RTCB: variants seen among roughly 807,000 people sequenced by gnomAD.
The protein encoded by RTCB is RNA 2',3'-cyclic phosphate and 5'-OH ligase.
A neutral mutation model predicts 58.2 loss-of-function variants in RTCB; 32 were observed. That is an observed-to-expected ratio of 0.55 (90% CI 0.41 to 0.74). The LOEUF (loss-of-function observed/expected upper bound fraction) is 0.74. Among genes scored for constraint, RTCB ranks in the 30% least tolerant of loss-of-function variants. The pLI is 0.00. For synonymous variants in RTCB, 247 were observed against 218.6 expected (o/e 1.13, Z -1.15); for missense variants, 523 against 639.0 (o/e 0.82, Z 1.96).
At chr22:32,392,688 G>A (rs934223286) in intron 10 of RTCB, among the ~76,000 whole-genome samples, 12 of 152,188 alleles carry the variant, frequency 7.9e-5, no homozygotes, top group South Asian at 2.1e-4. Flanking sequence ...TCCCCATGGC[G>A]GTAGGGGGAT....
chr22:32,397,792 G>T, intron 7 of RTCB, 149 bp downstream of exon 7: 1 of 625,838 alleles, frequency 1.6e-6, no homozygotes. Context: ...TTTTAGACAA[G>T]AAAGTTATGG....
In RTCB at chr22:32,395,206, G is replaced by A. The variant is rs757083266; in HGVS notation, c.999C>T (p.Ala333=). 7 of 1,613,986 alleles carry A rather than the reference G, an allele frequency of 4.3e-6. No individual in the cohort carries two copies. The Admixed American group carries it at 1.2e-4, about 27-fold the overall frequency. The change falls in exon 9 of 12, where the codon GCC becomes GCT. Residue 333 remains alanine, a synonymous_variant. Coordinates refer to ENST00000216038, the MANE Select transcript of RTCB (RefSeq NM_014306.5). ...SMTFLTRQAF[A]KVFNTTPDDL... is the part of the protein sequence containing the mutation. Reference sequence around the variant, plus strand: ...CATCAGGGGTTGTGTTGAAGACCTTGGCGAAAGCCTAGGAGAAAACACAGA... The same window carrying A: ...CATCAGGGGTTGTGTTGAAGACCTTAGCGAAAGCCTAGGAGAAAACACAGA...
chr22:32,408,842 A>G lies in RTCB; in HGVS notation c.94-9T>C. On this transcript the variant is annotated splice_polypyrimidine_tract_variant and intron_variant, in intron 1 of 11. Coordinates refer to ENST00000216038, the MANE Select transcript of RTCB (RefSeq NM_014306.5). The stretch of plus-strand genomic sequence containing the variant: ...TAGAAAACACCTTCAACCTAGTACC[A>G]AGGAAAGTGAAAAGCAATGTCTGAG... 1 of 1,606,076 alleles carries G rather than the reference A, an allele frequency of 6.2e-7. No individual in the cohort carries two copies. Among genetic ancestry groups the G allele is most frequent in the Non-Finnish European group, 8.5e-7 (1 of 1,172,640 alleles).
intron 4 of RTCB, among the ~76,000 whole-genome samples, chr22:32,406,332 A>AT (rs554318775): frequency 3.3e-5 from 5 of 150,972 alleles, no homozygotes; most frequent in South Asian, 2.1e-4. Context: ...AGCTACACAC[A>AT]TTTTTTTTTG....
chr22:32,408,204 T>G lies in RTCB; in HGVS notation c.211A>C (p.Asn71His). 6.2e-7 allele frequency: 1 copy of G among 1,614,198 alleles called. No homozygotes were observed. The highest frequency in any genetic ancestry group is 1.1e-5 in the South Asian group (1 of 91,084). Residue 71 changes from asparagine (N) to histidine (H), a missense_variant, in exon 3 of 12, where the codon AAT becomes CAT. Physicochemically the swap from Asn to His is moderately conservative, Grantham distance 68. This residue lies in a region of RTCB where 134 missense variants were observed against 129.9 expected (regional missense o/e 1.03). Coordinates refer to ENST00000216038, the MANE Select transcript of RTCB (RefSeq NM_014306.5). ...ACAATTCCAGGCAGGGCTGCCACAT[T>G]GCCAATCTGTTTCATGGCTGGCAGG... ...GFLPAMKQIG[N>H]VAALPGIVHR...
At chr22:32,411,852 TC>T (rs1347092423) in intron 1 of RTCB, among the ~76,000 whole-genome samples, 5 of 152,180 alleles carry the variant, frequency 3.3e-5, no homozygotes, top group African/African-American at 1.2e-4. Flanking sequence ...ACTTAGCTTG[TC>T]CTCGTGGTTC....
At chr22:32,401,593 G>A in intron 5 of RTCB, 154 bp downstream of exon 5, 1 of 729,942 alleles carries the variant, frequency 1.4e-6, no homozygotes. Flanking sequence ...CCAATAAATG[G>A]GCTGTACCTC....
At chr22:32,410,058 C>T (rs532372636) in intron 1 of RTCB, among the ~76,000 whole-genome samples, 247 of 152,220 alleles carry the variant, frequency 1.6e-3, no homozygotes, top group Non-Finnish European at 2.7e-3. Flanking sequence ...CCTCATGATC[C>T]GCCCATCTCA....
At chr22:32,409,820 T>A (rs1933488548) in intron 1 of RTCB, among the ~76,000 whole-genome samples, 1 of 129,150 alleles carries the variant, frequency 7.7e-6, no homozygotes, top group Non-Finnish European at 1.6e-5. Context: ...CTTATATACT[T>A]TTGTTTTTTT....
rs1171297066 is a variant in RTCB at position 32,400,592 on chromosome 22, G to A, written c.498-833C>T. ...ATCTAAAATGTTTATAAAGATGTTT[G>A]GAATTTGTGTGTTCCACGTATGCTT... On this transcript the variant is annotated intron_variant, in intron 5 of 11. Coordinates refer to ENST00000216038, the MANE Select transcript of RTCB (RefSeq NM_014306.5). Among the ~76,000 whole-genome samples, 3 of 152,186 alleles carry A rather than the reference G, an allele frequency of 2.0e-5. No individual in the cohort carries two copies. The East Asian group carries it at 5.8e-4, about 29-fold the overall frequency.
chr22:32,409,822 T>C (rs1569443594), intron 1 of RTCB, among the ~76,000 whole-genome samples: 2 of 78,604 alleles, frequency 2.5e-5, no homozygotes, highest in Admixed American at 1.3e-4. Context: ...TATATACTTT[T>C]GTTTTTTTTT....
chr22:32,390,230 G>A (rs5998471), intron 11 of RTCB, among the ~76,000 whole-genome samples: 51,447 of 152,030 alleles, frequency 0.34, 8,825 homozygotes, highest in East Asian at 0.51. Context: ...GAAGGGACTC[G>A]TGTTTCTTTT....
At chr22:32,396,366 G>C (rs1032550877) in intron 7 of RTCB, 117 bp from the exon 8 acceptor site, 2 of 1,023,580 alleles carry the variant, frequency 2.0e-6, no homozygotes, top group African/African-American at 3.2e-5. Flanking sequence ...CCCAATGAAA[G>C]CCAACTTTCC....
intron 4 of RTCB, among the ~76,000 whole-genome samples, chr22:32,404,918 C>T (rs921426285): frequency 4.0e-5 from 6 of 150,904 alleles, no homozygotes; most frequent in Non-Finnish European, 7.4e-5. Flanking sequence ...AACTCCTGAG[C>T]TCAAGCCATC....
chr22:32,400,395 C>G (rs1933317177), intron 5 of RTCB, among the ~76,000 whole-genome samples: 1 of 152,160 alleles, frequency 6.6e-6, no homozygotes, highest in Non-Finnish European at 1.5e-5. Context: ...AAAACACTGC[C>G]AGGAAAAACT....
In RTCB at chr22:32,399,675, C is replaced by T; in HGVS notation, c.582G>A (p.Glu194=). 6.2e-7 allele frequency: 1 copy of T among 1,614,112 alleles called. No homozygotes were observed. Residue 194 remains glutamate, a synonymous_variant, in exon 6 of 12, where the codon GAG becomes GAA. Coordinates refer to ENST00000216038, the MANE Select transcript of RTCB (RefSeq NM_014306.5). The part of the protein sequence containing the change: ...YAWAEDKEHC[E]EYGRMLQADP... ...CAGCCTGCAGCATCCTTCCGTACTC[C>T]TCGCAGTGCTCCTTGTCTTCAGCCC... is the stretch of plus-strand genomic sequence containing the variant.
Position 32,408,735 on chromosome 22 carries a change from T to G in RTCB, c.172+20A>C. 1 of 1,583,644 alleles carries G rather than the reference T, an allele frequency of 6.3e-7. No homozygotes were observed. Among genetic ancestry groups the G allele is most frequent in the South Asian group, 1.1e-5 (1 of 90,522 alleles). ...GAAGGCACTACCGTACTAACACAAG[T>G]GAAACTCTAATGTACTTACCACCAC... On this transcript the variant is annotated intron_variant, in intron 2 of 11. Coordinates refer to ENST00000216038, the MANE Select transcript of RTCB (RefSeq NM_014306.5).
At chr22:32,390,541 C>T (rs550836818) in intron 11 of RTCB, among the ~76,000 whole-genome samples, 4 of 152,182 alleles carry the variant, frequency 2.6e-5, no homozygotes, top group Admixed American at 1.3e-4. Flanking sequence ...CTCCGCCTCC[C>T]GCGTTCACGC....
At chr22:32,396,344 T>C in intron 7 of RTCB, 95 bp from the exon 8 acceptor site, 1 of 1,329,918 alleles carries the variant, frequency 7.5e-7, no homozygotes, top group Non-Finnish European at 1.0e-6. Flanking sequence ...TCAAATTCAT[T>C]CCACAAAAAA....
Sources: gnomAD v4.1 joint callset for allele counts (sites outside exome capture counted in the v4.1 genomes callset) on GRCh38, gnomAD v4.1.1 for gene constraint, gnomAD v4.1.1 regional missense constraint, MANE v1.5 for transcripts, NCBI Gene and HGNC (gene_info 2026-07-23, HGNC 2026-07-21) for gene names.